The following MARCO variants were observed in gnomAD, a reference collection of about 807,000 sequenced individuals.
MARCO encodes macrophage receptor MARCO.
In MARCO, 72 loss-of-function variants were observed where a neutral mutation model predicts 70.0. The ratio of observed to expected loss-of-function variants is 1.03; its 90% CI spans 0.85 to 1.25. MARCO has a LOEUF of 1.25. Ranked by LOEUF, MARCO falls within the 50% of genes most tolerant of loss-of-function variation. The probability of loss-of-function intolerance (pLI) is 0.00; values close to 1 mark genes in which losing one functional copy is unlikely to be tolerated. For synonymous variants in MARCO, 273 were observed against 243.1 expected (o/e 1.12, Z -1.14); for missense variants, 696 against 659.3 (o/e 1.06, Z -0.61).
intron 1 of MARCO, among the ~76,000 whole-genome samples, chr2:118,964,886 T>A (rs1444751479): frequency 2.8e-5 from 2 of 72,590 alleles, no homozygotes; most frequent in African/African-American, 5.3e-5. Context: ...AGATACCATC[T>A]CAAAAAAAAA....
intron 1 of MARCO, among the ~76,000 whole-genome samples, chr2:118,964,561 A>G (rs1345693640): frequency 6.6e-6 from 1 of 152,124 alleles, no homozygotes; most frequent in Admixed American, 6.5e-5. Context: ...TCTGTTCTCC[A>G]TAGTTTCTGA....
chr2:118,969,491 C>T (rs914854309), intron 2 of MARCO, among the ~76,000 whole-genome samples: 1 of 152,164 alleles, frequency 6.6e-6, no homozygotes, highest in Admixed American at 6.5e-5. Context: ...TGAGAATGCT[C>T]TTGTGAGCCT....
chr2:118,974,862 A>T (rs371708365), intron 6 of MARCO, among the ~76,000 whole-genome samples: 1 of 152,174 alleles, frequency 6.6e-6, no homozygotes, highest in Admixed American at 6.5e-5. Context: ...TAAGTCTGCC[A>T]GTGCCACTTT....
intron 2 of MARCO, 108 bp downstream of exon 2, chr2:118,969,369 T>C: frequency 1.3e-6 from 1 of 768,284 alleles, no homozygotes; most frequent in Non-Finnish European, 2.2e-6. Flanking sequence ...GGGCCACTGC[T>C]CCCATCTGCT....
rs767992699 is a variant in MARCO, at chr2:118,970,104, T to A, written c.200-10T>A. ...CAGTCCCTAAAAGAATGCTGTGGGG[T>A]GGGGCCCAGTTCTGAATCTGCAGGC... On this transcript the variant is annotated splice_polypyrimidine_tract_variant and intron_variant, in intron 2 of 16. Coordinates refer to ENST00000327097, the MANE Select transcript of MARCO (RefSeq NM_006770.4). The A allele has an allele frequency of 9.9e-6, 16 of 1,610,934 alleles. No homozygotes were observed. The East Asian group carries it at 3.6e-4, about 36-fold the overall frequency.
intron 12 of MARCO, among the ~76,000 whole-genome samples, chr2:118,986,727 AAAG>A (rs1271494458): frequency 2.9e-5 from 3 of 105,258 alleles, no homozygotes; most frequent in South Asian, 4.3e-4. Flanking sequence ...GAAAGAAAAG[AAAG>A]AAAGAAAGAG....
intron 1 of MARCO, among the ~76,000 whole-genome samples, chr2:118,945,718 G>T (rs531384793): frequency 5.3e-5 from 8 of 152,162 alleles, no homozygotes; most frequent in African/African-American, 1.9e-4. Flanking sequence ...GGCCCTGTTG[G>T]GACCTCTTAC....
At chr2:118,957,184 A>G (rs185083656) in intron 1 of MARCO, among the ~76,000 whole-genome samples, 49 of 152,188 alleles carry the variant, frequency 3.2e-4, no homozygotes, top group African/African-American at 1.1e-3. Context: ...TACAAAAGAT[A>G]AATGAAACAA....
intron 1 of MARCO, among the ~76,000 whole-genome samples, chr2:118,948,090 G>T (rs541837329): frequency 2.3e-4 from 35 of 152,220 alleles, no homozygotes; most frequent in Non-Finnish European, 4.1e-4. Flanking sequence ...TTTGGTGTTA[G>T]AAATACCAAA....
At chr2:118,966,333 G>A (rs1039167306) in intron 1 of MARCO, among the ~76,000 whole-genome samples, 1 of 152,168 alleles carries the variant, frequency 6.6e-6, no homozygotes, top group Non-Finnish European at 1.5e-5. Context: ...ACTAGCAGCT[G>A]TTTTTATCCT....
At chr2:118,987,274 C>T (rs1306347035) in intron 12 of MARCO, among the ~76,000 whole-genome samples, 1 of 152,220 alleles carries the variant, frequency 6.6e-6, no homozygotes, top group Non-Finnish European at 1.5e-5. Context: ...AGTTTTACAA[C>T]ATGCAGCTCT....
At chr2:118,948,214 C>T (rs1018496911) in intron 1 of MARCO, among the ~76,000 whole-genome samples, 1 of 152,212 alleles carries the variant, frequency 6.6e-6, no homozygotes, top group African/African-American at 2.4e-5. Context: ...ACAGATGGAA[C>T]AATGGCAAGA....
chr2:118,958,813 A>T (rs1202851524), intron 1 of MARCO, among the ~76,000 whole-genome samples: 1 of 152,194 alleles, frequency 6.6e-6, no homozygotes, highest in African/African-American at 2.4e-5. Context: ...AATAGCACAT[A>T]GACCAATGGA....
chr2:118,980,579 G>C (rs1004722108), intron 8 of MARCO, among the ~76,000 whole-genome samples: 2 of 152,184 alleles, frequency 1.3e-5, no homozygotes, highest in Non-Finnish European at 2.9e-5. Context: ...TAGCAAAATT[G>C]CATCCCAATA....
In MARCO at chr2:118,982,137, G is replaced by A; in HGVS notation, c.902-19G>A. On this transcript the variant is annotated intron_variant, in intron 10 of 16. Transcript: ENST00000327097. ...CTCTGCCAACCACCACAGCCTGGCAGTCACTACTTTCCTTTCAGGACAACC... is the reference window on the plus strand; with the variant it reads ...CTCTGCCAACCACCACAGCCTGGCAATCACTACTTTCCTTTCAGGACAACC... 6.3e-7 allele frequency: 1 copy of A among 1,588,234 alleles called. No individual in the cohort carries two copies. Among genetic ancestry groups the A allele is most frequent in the Non-Finnish European group, 8.6e-7 (1 of 1,160,862 alleles).
intron 2 of MARCO, 139 bp downstream of exon 2, chr2:118,969,400 G>A: frequency 1.5e-6 from 1 of 649,628 alleles, no homozygotes; most frequent in Non-Finnish European, 2.7e-6. Context: ...CTCAGCCCCT[G>A]GCAGCCACAG....
At chr2:118,989,451 C>G (rs1680581294) in intron 12 of MARCO, among the ~76,000 whole-genome samples, 1 of 152,218 alleles carries the variant, frequency 6.6e-6, no homozygotes, top group African/African-American at 2.4e-5. Context: ...CAGCTCCCAG[C>G]CCCTTAGCTC....
chr2:118,971,395 C>G (rs1680167769), intron 3 of MARCO, 104 bp from the exon 4 acceptor site: 3 of 1,096,564 alleles, frequency 2.7e-6, no homozygotes, highest in Middle Eastern at 2.0e-4. Context: ...GAGCCCCACA[C>G]AGGAGGGCTT....
intron 12 of MARCO, among the ~76,000 whole-genome samples, chr2:118,987,307 C>G (rs1680536235): frequency 6.6e-6 from 1 of 152,182 alleles, no homozygotes; most frequent in Admixed American, 6.5e-5. Context: ...TTAGCCATTT[C>G]TCCCTCTACT....
Sources: gnomAD v4.1 joint callset for allele counts (sites outside exome capture counted in the v4.1 genomes callset) on GRCh38, gnomAD v4.1.1 for gene constraint, MANE v1.5 for transcripts, NCBI Gene and HGNC (gene_info 2026-07-23, HGNC 2026-07-21) for gene names.